Variants in EVL observed in about 807,000 individuals in gnomAD.
EVL encodes Enah/Vasp-like, also known as ena/VASP-like protein.
In EVL, 21 loss-of-function variants were observed where a neutral mutation model predicts 59.6. The observed-to-expected ratio is 0.35, with a 90% CI of 0.25 to 0.51. The LOEUF is 0.51. EVL is among the 20% of genes least tolerant of loss of function. The pLI is 0.97. For missense variants in EVL, 462 were observed against 546.6 expected (o/e 0.85, Z 1.54); for synonymous variants, 198 against 203.5 (o/e 0.97, Z 0.23).
At chr14:99,997,492 A>G (rs569239202) in intron 1 of EVL, among the ~76,000 whole-genome samples, 2 of 152,372 alleles carry the variant, frequency 1.3e-5, no homozygotes, top group African/African-American at 2.4e-5. Context: ...ATTGACCAAG[A>G]TGAATGATTT....
chr14:100,028,811 A>G (rs2061264353), intron 1 of EVL, among the ~76,000 whole-genome samples: 1 of 152,196 alleles, frequency 6.6e-6, no homozygotes, highest in South Asian at 2.1e-4. Context: ...TTCCATCTCA[A>G]AAAAAATCTA....
chr14:100,128,231 T>C (rs1888203957), intron 5 of EVL, among the ~76,000 whole-genome samples: 1 of 152,094 alleles, frequency 6.6e-6, no homozygotes, highest in South Asian at 2.1e-4. Flanking sequence ...AAAAACATGA[T>C]TGGAGCAAGA....
chr14:99,996,873 A>T (rs2060917670), intron 1 of EVL, among the ~76,000 whole-genome samples: 1 of 151,620 alleles, frequency 6.6e-6, no homozygotes, highest in African/African-American at 2.4e-5. Context: ...CTGGCCTCGA[A>T]CTCCTGAGTT....
intron 1 of EVL, among the ~76,000 whole-genome samples, chr14:100,015,811 C>T (rs1006796731): frequency 1.3e-5 from 2 of 152,172 alleles, no homozygotes; most frequent in African/African-American, 2.4e-5. Context: ...TGGCTCATGC[C>T]TGTAATCCCA....
At chr14:100,006,145 C>G (rs113548686) in intron 1 of EVL, among the ~76,000 whole-genome samples, 3,200 of 151,798 alleles carry the variant, frequency 0.021, 126 homozygotes, top group African/African-American at 0.074. Context: ...TTGATGAAAC[C>G]CAATGGGAAA....
intron 1 of EVL, among the ~76,000 whole-genome samples, chr14:100,023,991 A>G (rs1296887109): frequency 6.6e-6 from 1 of 152,228 alleles, no homozygotes; most frequent in Non-Finnish European, 1.5e-5. Flanking sequence ...TCAAGCAAGA[A>G]TGGAGCCCAA....
chr14:99,985,243 G>A (rs1029656905), intron 1 of EVL, among the ~76,000 whole-genome samples: 1 of 151,702 alleles, frequency 6.6e-6, no homozygotes, highest in African/African-American at 2.4e-5. Flanking sequence ...GAATAGCATG[G>A]GGCATATGAG....
At chr14:100,043,524 A>G (rs1442083748) in intron 1 of EVL, among the ~76,000 whole-genome samples, 2 of 150,096 alleles carry the variant, frequency 1.3e-5, no homozygotes, top group African/African-American at 2.5e-5. Flanking sequence ...AAGGCTGGAG[A>G]GCCTGGAGTT....
At chr14:99,991,960 C>CTGTGTG (rs58443751) in intron 1 of EVL, among the ~76,000 whole-genome samples, 5,230 of 144,282 alleles carry the variant, frequency 0.036, 197 homozygotes, top group East Asian at 0.11. Context: ...AGGGTCAACT[C>CTGTGTG]TGTGTGTGTG....
chr14:100,022,810 C>T (rs1265674381), intron 1 of EVL, among the ~76,000 whole-genome samples: 1 of 152,200 alleles, frequency 6.6e-6, no homozygotes, highest in Admixed American at 6.5e-5. Context: ...TAGCTCGGCA[C>T]AGTCCTGAGG....
intron 3 of EVL, chr14:100,102,234 G>A (rs1050296892): frequency 3.3e-5 from 15 of 455,918 alleles, no homozygotes; most frequent in African/African-American, 2.4e-4. Flanking sequence ...TTTGACAAGT[G>A]CAGCGCAGCA....
At chr14:100,100,577 CTTTTG>C (rs1309199006) in intron 3 of EVL, among the ~76,000 whole-genome samples, 10 of 152,068 alleles carry the variant, frequency 6.6e-5, no homozygotes, top group Admixed American at 5.2e-4. Flanking sequence ...ACGAAGTCCA[CTTTTG>C]TTTTTGTTTT....
chr14:100,118,601 A>T (rs560072512), intron 3 of EVL, among the ~76,000 whole-genome samples: 3 of 151,514 alleles, frequency 2.0e-5, no homozygotes, highest in African/African-American at 4.9e-5. Context: ...TGCAGTGCTC[A>T]CTCTCCCCAG....
At chr14:100,116,873 T>C (rs1306259445) in intron 3 of EVL, among the ~76,000 whole-genome samples, 1 of 152,232 alleles carries the variant, frequency 6.6e-6, no homozygotes, top group Admixed American at 6.5e-5. Context: ...GGTTCCACGC[T>C]TCTCACTTTA....
Position 100,127,246 on chromosome 14 carries a change from T to G in EVL, c.487+475T>G, listed in dbSNP as rs75024873. Reference sequence around the variant, plus strand: ...CCACGCGTCTGTCTTGGACGTTCGGTGGAGCTTAGCACGTTAAAGGAGAAG... The same window carrying G: ...CCACGCGTCTGTCTTGGACGTTCGGGGGAGCTTAGCACGTTAAAGGAGAAG... On this transcript the variant is annotated intron_variant, in intron 5 of 13. Transcript: ENST00000392920. This position sits in a 1 kb window ranked among gnomAD's most constrained non-coding sequence, Gnocchi z 4.2. 3.7e-3 allele frequency among the ~76,000 whole-genome samples: 557 copies of G among 152,326 alleles called. 31 individuals carry two copies. In the East Asian group the frequency reaches 0.096, roughly 26 times the overall value.
chr14:100,135,312 A>T (rs1038237175), intron 8 of EVL: 2 of 152,400 alleles, frequency 1.3e-5, no homozygotes, highest in African/African-American at 4.8e-5. Context: ...ATGACACATC[A>T]GGTTGGGTGG....
At chr14:100,061,938 C>G (rs2061841897), upstream of EVL, among the ~76,000 whole-genome samples, 1 of 151,810 alleles carries the variant, frequency 6.6e-6, no homozygotes, top group South Asian at 2.1e-4. Flanking sequence ...GTTGGTCTTG[C>G]TGTCTCGGGG....
intron 1 of EVL, among the ~76,000 whole-genome samples, chr14:100,055,774 T>C (rs2061719484): frequency 6.6e-6 from 1 of 152,244 alleles, no homozygotes; most frequent in Non-Finnish European, 1.5e-5. Flanking sequence ...TGTGTGCATG[T>C]GCACACTTAC....
intron 12 of EVL, among the ~76,000 whole-genome samples, chr14:100,141,472 C>G (rs1196354472): frequency 6.6e-6 from 1 of 152,232 alleles, no homozygotes; most frequent in South Asian, 2.1e-4. Context: ...GGGCACCTCC[C>G]TCAGGCCTGC....
Sources: gnomAD v4.1 joint callset for allele counts (sites outside exome capture counted in the v4.1 genomes callset) on GRCh38, gnomAD v4.1.1 for gene constraint, Gnocchi (gnomAD v3.1) non-coding constraint, MANE v1.5 for transcripts, NCBI Gene and HGNC (gene_info 2026-07-23, HGNC 2026-07-21) for gene names.